ADAMTSL1: variants seen among roughly 807,000 people sequenced by gnomAD.
ADAMTSL1 encodes ADAMTS like 1.
Under a neutral mutation model 201.8 loss-of-function variants are expected in ADAMTSL1, and 126 were observed. The ratio of observed to expected loss-of-function variants is 0.62; its 90% CI spans 0.54 to 0.72. The LOEUF (loss-of-function observed/expected upper bound fraction) is 0.72, where lower values mean the gene tolerates loss of function less well. Among genes scored for constraint, ADAMTSL1 ranks in the 30% least tolerant of loss-of-function variants. The pLI, the probability that ADAMTSL1 is intolerant of heterozygous loss-of-function variation, is 0.00. For missense variants in ADAMTSL1, 2,679 were observed against 2,277.8 expected, an observed-to-expected ratio of 1.18 and a Z score of -3.59; for synonymous variants, 1,121 against 903.4, an observed-to-expected ratio of 1.24 and a Z score of -4.32.
At chr9:18,207,215 AAGGT>A (rs1413405505) in intron 2 of ADAMTSL1, among the ~76,000 whole-genome samples, 1 of 152,080 alleles carries the variant, frequency 6.6e-6, no homozygotes, top group Non-Finnish European at 1.5e-5. Context: ...GGAAAGGAAG[AAGGT>A]AGGAATGAGA....
At position 18,270,181 on chromosome 9, in the gene ADAMTSL1, C is replaced by G. The variant is rs573463252; in HGVS notation, c.207+106200C>G. On this transcript the variant is annotated intron_variant, in intron 2 of 29. Coordinates refer to the ADAMTSL1 transcript ENST00000680146. ...TTGGTGTCTGGTAAAGACCCACTTCCTGGCTCATAGATGGTACCATCTTGC... is the reference window on the plus strand; with the variant it reads ...TTGGTGTCTGGTAAAGACCCACTTCGTGGCTCATAGATGGTACCATCTTGC... 8.5e-5 allele frequency among the ~76,000 whole-genome samples: 13 copies of G among 152,198 alleles called. 1 individual carries two copies. The South Asian group carries it at 2.7e-3, about 32-fold the overall frequency.
At chr9:18,708,663 C>G (rs956226331) in intron 14 of ADAMTSL1, among the ~76,000 whole-genome samples, 4 of 152,164 alleles carry the variant, frequency 2.6e-5, no homozygotes, top group African/African-American at 9.7e-5. Context: ...GATGGTTGTG[C>G]TTTCATCCCC....
chr9:18,258,232 A>G (rs1460497723), intron 2 of ADAMTSL1, among the ~76,000 whole-genome samples: 2 of 152,256 alleles, frequency 1.3e-5, no homozygotes, highest in Admixed American at 6.5e-5. Flanking sequence ...TTTACCAGTA[A>G]TAAAAGAACA....
chr9:18,145,205 A>G (rs1262477358), intron 1 of ADAMTSL1, among the ~76,000 whole-genome samples: 1 of 152,232 alleles, frequency 6.6e-6, no homozygotes, highest in African/African-American at 2.4e-5. Flanking sequence ...GAAAGAGACC[A>G]TAAAGGTATA....
intron 2 of ADAMTSL1, among the ~76,000 whole-genome samples, chr9:18,460,324 C>T (rs1820760963): frequency 1.3e-5 from 2 of 152,130 alleles, no homozygotes; most frequent in African/African-American, 4.8e-5. Context: ...AACTCCACGG[C>T]GAAATCCCTG....
intron 2 of ADAMTSL1, among the ~76,000 whole-genome samples, chr9:18,282,387 G>A (rs1332698415): frequency 2.0e-5 from 3 of 152,184 alleles, no homozygotes; most frequent in South Asian, 2.1e-4. Context: ...AGTGCAGGAG[G>A]TATCTTCTTT....
chr9:18,128,551 T>C (rs768024294), intron 1 of ADAMTSL1, among the ~76,000 whole-genome samples: 2 of 152,064 alleles, frequency 1.3e-5, no homozygotes, highest in Non-Finnish European at 2.9e-5. Context: ...TCAAAAGCAA[T>C]CTGCCCGCCT....
intron 2 of ADAMTSL1, among the ~76,000 whole-genome samples, chr9:18,256,715 A>C (rs1313664371): frequency 6.6e-6 from 1 of 152,200 alleles, no homozygotes; most frequent in Non-Finnish European, 1.5e-5. Flanking sequence ...CCCAGGATTC[A>C]TTATTTACAT....
chr9:17,984,966 C>G (rs922086061), intron 1 of ADAMTSL1, among the ~76,000 whole-genome samples: 2 of 152,038 alleles, frequency 1.3e-5, no homozygotes, highest in African/African-American at 4.8e-5. Context: ...TTGCCTTAAA[C>G]CATTGTGTTT....
chr9:17,982,649 C>T (rs754243032), intron 1 of ADAMTSL1, among the ~76,000 whole-genome samples: 2 of 151,774 alleles, frequency 1.3e-5, no homozygotes, highest in Non-Finnish European at 2.9e-5. Context: ...AAAATAAAAC[C>T]GGGCAGGATA....
At chr9:18,143,994 C>T (rs980233014) in intron 1 of ADAMTSL1, among the ~76,000 whole-genome samples, 1 of 152,030 alleles carries the variant, frequency 6.6e-6, no homozygotes, top group African/African-American at 2.4e-5. Context: ...CTGAGTAAAA[C>T]GTTGCCTCAG....
At chr9:18,081,063 C>A (rs1437831065) in intron 1 of ADAMTSL1, among the ~76,000 whole-genome samples, 1 of 152,164 alleles carries the variant, frequency 6.6e-6, no homozygotes, top group East Asian at 1.9e-4. Flanking sequence ...GACTTGATAT[C>A]TTGAACTGAT....
chr9:18,269,215 A>G (rs748517004), intron 2 of ADAMTSL1, among the ~76,000 whole-genome samples: 17 of 152,272 alleles, frequency 1.1e-4, no homozygotes, highest in Non-Finnish European at 2.2e-4. Flanking sequence ...CTTCATAGTT[A>G]TTTATATACA....
intron 13 of ADAMTSL1, among the ~76,000 whole-genome samples, chr9:18,702,926 C>G (rs945640682): frequency 6.6e-6 from 1 of 151,954 alleles, no homozygotes; most frequent in Non-Finnish European, 1.5e-5. Context: ...CCATGCCCGG[C>G]TAATTTTTGT....
intron 1 of ADAMTSL1, among the ~76,000 whole-genome samples, chr9:18,038,215 G>C (rs879463546): frequency 6.6e-6 from 1 of 152,048 alleles, no homozygotes. Flanking sequence ...TGTGAGCCTC[G>C]GTTGTTCATT....
chr9:18,087,097 G>C (rs1259140321), intron 1 of ADAMTSL1, among the ~76,000 whole-genome samples: 1 of 152,144 alleles, frequency 6.6e-6, no homozygotes. Context: ...ACTTGGGTTA[G>C]ATAGCTACTG....
At chr9:18,907,062 G>A in intron 28 of ADAMTSL1, 150 bp downstream of exon 28, 2 of 778,930 alleles carry the variant, frequency 2.6e-6, no homozygotes, top group South Asian at 1.7e-5. Context: ...TTTCAGTGGG[G>A]TGCATGGGTG....
At chr9:17,934,640 A>G (rs1224587044) in intron 1 of ADAMTSL1, among the ~76,000 whole-genome samples, 2 of 152,084 alleles carry the variant, frequency 1.3e-5, no homozygotes, top group African/African-American at 4.8e-5. Flanking sequence ...CTTTCATCAG[A>G]CCTGCCGCAT....
intron 24 of ADAMTSL1, 51 bp from the exon 25 acceptor site, chr9:18,889,517 G>A (rs999673780): frequency 3.2e-5 from 51 of 1,584,604 alleles, no homozygotes; most frequent in Non-Finnish European, 3.4e-5. Flanking sequence ...AATTCAGAGT[G>A]TGGGCAATTA....
Sources: gnomAD v4.1 joint callset for allele counts (sites outside exome capture counted in the v4.1 genomes callset) on GRCh38, gnomAD v4.1.1 for gene constraint, MANE v1.5 for transcripts, NCBI Gene and HGNC (gene_info 2026-07-23, HGNC 2026-07-21) for gene names.